The following RINT1 variants were observed in gnomAD, a reference collection of about 807,000 sequenced individuals.
RINT1 encodes the protein RAD50 interactor 1.
A neutral mutation model predicts 97.7 loss-of-function variants in RINT1; 75 were observed. The ratio of observed to expected loss-of-function variants is 0.77; its 90% CI spans 0.64 to 0.93. The LOEUF is 0.93. Ranked by LOEUF, RINT1 falls within the 40% of genes least tolerant of loss-of-function variation. The pLI, the probability that RINT1 is intolerant of heterozygous loss-of-function variation, is 0.00. For missense variants in RINT1, 892 were observed against 925.2 expected, an observed-to-expected ratio of 0.96 and a Z score of 0.47; for synonymous variants, 303 against 326.3, an observed-to-expected ratio of 0.93 and a Z score of 0.77.
At chr7:105,549,202 G>C (rs1176749055) in intron 7 of RINT1, among the ~76,000 whole-genome samples, 2 of 152,006 alleles carry the variant, frequency 1.3e-5, no homozygotes, top group Admixed American at 6.6e-5. Flanking sequence ...GGTCAGGCTG[G>C]TCTGGAACTC....
intron 11 of RINT1, among the ~76,000 whole-genome samples, chr7:105,563,434 C>T (rs1427922459): frequency 1.3e-5 from 2 of 152,122 alleles, no homozygotes; most frequent in Middle Eastern, 3.2e-3. Context: ...GATCTCGGCT[C>T]ACTGCAACTT....
intron 4 of RINT1, among the ~76,000 whole-genome samples, chr7:105,545,344 C>T (rs893817122): frequency 2.7e-5 from 4 of 150,000 alleles, no homozygotes; most frequent in Admixed American, 6.7e-5. Flanking sequence ...CCCAGCTACT[C>T]GGGAGGCTGA....
Position 105,551,591 on chromosome 7 carries a change from CA to C in RINT1, c.1357del (p.Met453CysfsTer21). The C allele has an allele frequency of 1.2e-6, 2 of 1,604,414 alleles. No homozygotes were observed. Among genetic ancestry groups the C allele is most frequent in the Non-Finnish European group, 1.7e-6 (2 of 1,175,196 alleles). Reference protein sequence around the residue: ...ERKFALQKMDSMLSSEAAWVS... With the variant: ...ERKFALQKMDXMLSSEAAWVS... ...TCAGTTGCTCTTCAAAAAATGGACTCAATGCTTTCCTCAGAAGCTGCCTGGG... is the reference window on the plus strand; with the variant it reads ...TCAGTTGCTCTTCAAAAAATGGACTCATGCTTTCCTCAGAAGCTGCCTGGG... On this transcript the variant is annotated frameshift_variant, in exon 10 of 15. Transcript: ENST00000257700. LOFTEE classifies it high-confidence loss of function.
chr7:105,566,254 T>C (rs1791736025), intron 14 of RINT1: 1 of 151,840 alleles, frequency 6.6e-6, no homozygotes, highest in Admixed American at 6.6e-5. Flanking sequence ...AAAAAAAAAT[T>C]ACAAATATGT....
At chr7:105,566,925 A>T (rs1234285772) in intron 14 of RINT1, 194 bp from the exon 15 acceptor site, 1 of 379,002 alleles carries the variant, frequency 2.6e-6, no homozygotes, top group Non-Finnish European at 4.6e-6. Context: ...ACCTTATAGT[A>T]ATCTAAAGAA....
rs372520493 is a variant in RINT1, at chr7:105,542,563, C to T, written c.429C>T (p.Asp143=). Residue 143 remains aspartate, a synonymous_variant, in exon 4 of 15, where the codon GAC becomes GAT. Coordinates refer to ENST00000257700, the MANE Select transcript of RINT1 (RefSeq NM_021930.6). ...TGCTGACTGCGCAACCTTGGATGGA[C>T]GATCTTGGAACCATGATTAGCCAGA... The part of the protein sequence containing the change: ...SHLLTAQPWM[D]DLGTMISQIE... The T allele has an allele frequency of 4.3e-6, 7 of 1,613,976 alleles. No individual in the cohort carries two copies. Among genetic ancestry groups the T allele is most frequent in the Non-Finnish European group, 5.9e-6 (7 of 1,180,028 alleles).
rs776832049 is a variant in RINT1 at position 105,567,312 on chromosome 7, T to C, written c.*1T>C. Reference sequence around the variant, plus strand: ...AAATTGGCCTAATACTGGAAAATAATGTCTTTCAGAAAAAGGTTTCTTTGG... The same window carrying C: ...AAATTGGCCTAATACTGGAAAATAACGTCTTTCAGAAAAAGGTTTCTTTGG... On this transcript the variant is annotated 3_prime_UTR_variant, in exon 15 of 15. Coordinates refer to ENST00000257700, the MANE Select transcript of RINT1 (RefSeq NM_021930.6). 3.2e-6 allele frequency: 5 copies of C among 1,575,672 alleles called. No homozygotes were observed. The highest frequency in any genetic ancestry group is 4.3e-6 in the Non-Finnish European group (5 of 1,160,022).
chr7:105,535,357 G>A (rs1790186781), intron 2 of RINT1, among the ~76,000 whole-genome samples: 1 of 150,592 alleles, frequency 6.6e-6, no homozygotes, highest in Admixed American at 6.7e-5. Flanking sequence ...AGCCTCCCGA[G>A]TAGCTGGGAC....
intron 12 of RINT1, among the ~76,000 whole-genome samples, chr7:105,564,950 C>T (rs897582317): frequency 5.3e-5 from 8 of 151,742 alleles, no homozygotes; most frequent in Admixed American, 1.3e-4. Flanking sequence ...GCCAACAGAG[C>T]GAGACTCTGT....
intron 10 of RINT1, among the ~76,000 whole-genome samples, chr7:105,552,729 A>G (rs575445656): frequency 8.3e-6 from 1 of 120,408 alleles, no homozygotes; most frequent in African/African-American, 3.1e-5. Context: ...GCTGGAGTGC[A>G]GTGGCATGAT....
chr7:105,556,135 C>G (rs547151047), intron 11 of RINT1, among the ~76,000 whole-genome samples: 1 of 150,594 alleles, frequency 6.6e-6, no homozygotes, highest in Non-Finnish European at 1.5e-5. Context: ...GGTGCGATCT[C>G]GGCTCACTGC....
chr7:105,537,882 A>C (rs1790310072), intron 3 of RINT1, among the ~76,000 whole-genome samples: 1 of 152,074 alleles, frequency 6.6e-6, no homozygotes, highest in South Asian at 2.1e-4. Flanking sequence ...TTTCTTTTAC[A>C]ATGAACATAT....
chr7:105,550,176 C>G lies in RINT1; in HGVS notation c.1107+11C>G, dbSNP rs771332229. ...TTGGTAAACGCAAGGGTAAGAGACT[C>G]AGTCATAAGTGTTTCTGTTTTAGAA... On this transcript the variant is annotated intron_variant, in intron 8 of 14. Transcript: ENST00000257700. The G allele has an allele frequency of 1.1e-5, 17 of 1,604,576 alleles. No individual in the cohort carries two copies. Among genetic ancestry groups the G allele is most frequent in the Admixed American group, 3.3e-5 (2 of 59,830 alleles).
intron 4 of RINT1, among the ~76,000 whole-genome samples, chr7:105,544,078 C>T (rs1344465694): frequency 2.7e-5 from 4 of 150,590 alleles, no homozygotes; most frequent in Admixed American, 1.3e-4. Flanking sequence ...GCAGCCTAGG[C>T]AGCAAGAGCG....
chr7:105,537,357 T>G (rs1324838742), intron 3 of RINT1, among the ~76,000 whole-genome samples: 1 of 151,878 alleles, frequency 6.6e-6, no homozygotes. Flanking sequence ...CTTGAACTCC[T>G]GACCGCAGGT....
chr7:105,537,811 G>C (rs1415418410), intron 3 of RINT1, among the ~76,000 whole-genome samples: 5 of 151,718 alleles, frequency 3.3e-5, no homozygotes, highest in African/African-American at 1.2e-4. Context: ...ACTCCAGCCG[G>C]GGCAACAAAA....
intron 9 of RINT1, among the ~76,000 whole-genome samples, chr7:105,551,261 A>G (rs10274571): frequency 0.6 from 91,530 of 151,870 alleles, 28,913 homozygotes; most frequent in East Asian, 0.75. Context: ...GTGAACTCCT[A>G]GACTCAAGCA....
intron 3 of RINT1, among the ~76,000 whole-genome samples, chr7:105,537,976 T>C (rs1056577379): frequency 4.6e-5 from 7 of 152,038 alleles, no homozygotes; most frequent in African/African-American, 7.2e-5. Flanking sequence ...CAATGGTGTG[T>C]TTGTCAAAGA....
rs375350359 is a variant in RINT1, at chr7:105,550,487, G to A, written c.1333+1G>A. ...AGATGGTTGACGGTGGAGAGAAAAT[G>A]TAAGTGCTGATGTGGCCAGATGGTA... On this transcript the variant is annotated splice_donor_variant, in intron 9 of 14. Transcript: ENST00000257700. LOFTEE classifies it high-confidence loss of function. 91 of 1,606,532 alleles carry A rather than the reference G, an allele frequency of 5.7e-5. No individual in the cohort carries two copies. The highest frequency in any genetic ancestry group is 7.6e-5 in the Non-Finnish European group (89 of 1,173,272).
Sources: gnomAD v4.1 joint callset for allele counts (sites outside exome capture counted in the v4.1 genomes callset) on GRCh38, gnomAD v4.1.1 for gene constraint, MANE v1.5 for transcripts, NCBI Gene and HGNC (gene_info 2026-07-23, HGNC 2026-07-21) for gene names.